MIS18A: variants seen among roughly 807,000 people sequenced by gnomAD.
The protein encoded by MIS18A is protein Mis18-alpha.
Under a neutral mutation model 25.0 loss-of-function variants are expected in MIS18A, and 14 were observed. The ratio of observed to expected loss-of-function variants is 0.56; its 90% CI spans 0.37 to 0.88. MIS18A has a LOEUF of 0.88. MIS18A is among the 40% of genes least tolerant of loss of function. MIS18A has a pLI of 0.00. For missense variants in MIS18A, 292 were observed against 290.8 expected (o/e 1.00, Z -0.03); for synonymous variants, 134 against 118.6 (o/e 1.13, Z -0.84).
chr21:32,175,162 T>C, the MIS18A span, among the ~76,000 whole-genome samples: 2 of 152,174 alleles, frequency 1.3e-5, no homozygotes, highest in Non-Finnish European at 2.9e-5. Context: ...TAGGCAGTTG[T>C]AACACAATGG....
At chr21:32,180,085 A>G in the MIS18A span, among the ~76,000 whole-genome samples, 1 of 152,322 alleles carries the variant, frequency 6.6e-6, no homozygotes, top group East Asian at 1.9e-4. Flanking sequence ...CAAGGTGAAG[A>G]CTTCAGAAAG....
At chr21:32,223,473 A>G in the MIS18A span, among the ~76,000 whole-genome samples, 1 of 152,198 alleles carries the variant, frequency 6.6e-6, no homozygotes, top group Non-Finnish European at 1.5e-5. Flanking sequence ...CAGAAATACA[A>G]ACTACCATCA....
chr21:32,274,441 G>A (rs1323576614), intron 2 of MIS18A, among the ~76,000 whole-genome samples: 6 of 151,822 alleles, frequency 4.0e-5, no homozygotes, highest in Admixed American at 2.0e-4. Flanking sequence ...CTGACCCCCC[G>A]GTGATCTGCC....
chr21:32,158,685 G>A, the MIS18A span, among the ~76,000 whole-genome samples: 3 of 152,070 alleles, frequency 2.0e-5, no homozygotes, highest in Non-Finnish European at 4.4e-5. Flanking sequence ...TTGTTGGTCA[G>A]GCTGTTCTCG....
intron 1 of MIS18A, among the ~76,000 whole-genome samples, chr21:32,275,281 T>C (rs1458292594): frequency 1.3e-5 from 2 of 152,116 alleles, no homozygotes; most frequent in Admixed American, 1.3e-4. Context: ...TGAAAACCAC[T>C]AACATTAATA....
chr21:32,244,526 C>T, the MIS18A span, among the ~76,000 whole-genome samples: 206 of 152,082 alleles, frequency 1.4e-3, 1 homozygote, highest in African/African-American at 4.8e-3. Flanking sequence ...CACTTGAGTC[C>T]GGGAAGTTGA....
the MIS18A span, among the ~76,000 whole-genome samples, chr21:32,180,841 C>T: frequency 6.6e-6 from 1 of 152,194 alleles, no homozygotes; most frequent in Non-Finnish European, 1.5e-5. Flanking sequence ...CTAGTTCAGT[C>T]TCTTCTGAAC....
chr21:32,253,919 GA>G, the MIS18A span, among the ~76,000 whole-genome samples: 2 of 150,858 alleles, frequency 1.3e-5, no homozygotes, highest in East Asian at 1.9e-4. Context: ...ACAGCATTTT[GA>G]AAAAAAAATC....
the MIS18A span, among the ~76,000 whole-genome samples, chr21:32,172,288 G>A: frequency 6.6e-6 from 1 of 151,930 alleles, no homozygotes; most frequent in African/African-American, 2.4e-5. Flanking sequence ...TCCTTTTTCT[G>A]GGCATATACC....
chr21:32,232,353 A>G, the MIS18A span, among the ~76,000 whole-genome samples: 2 of 151,520 alleles, frequency 1.3e-5, no homozygotes, highest in Non-Finnish European at 2.9e-5. Flanking sequence ...TGCCTACCAC[A>G]ATATATGTAT....
chr21:32,240,596 T>C, the MIS18A span, among the ~76,000 whole-genome samples: 2 of 152,224 alleles, frequency 1.3e-5, no homozygotes, highest in Non-Finnish European at 2.9e-5. Context: ...TTCTTCTCCA[T>C]CTACAGGATG....
the MIS18A span, among the ~76,000 whole-genome samples, chr21:32,172,754 G>A: frequency 6.6e-6 from 1 of 151,930 alleles, no homozygotes; most frequent in Non-Finnish European, 1.5e-5. Flanking sequence ...ACTGGCATAA[G>A]GATAGACCAA....
chr21:32,238,891 T>C, the MIS18A span, among the ~76,000 whole-genome samples: 1 of 152,182 alleles, frequency 6.6e-6, no homozygotes, highest in East Asian at 1.9e-4. Context: ...AATTCGACGT[T>C]TGTCAAAGTG....
the MIS18A span, among the ~76,000 whole-genome samples, chr21:32,249,405 G>A: frequency 2.0e-5 from 3 of 152,296 alleles, no homozygotes; most frequent in East Asian, 1.9e-4. Context: ...TGAGCATGCC[G>A]CGCAGGCACT....
the MIS18A span, among the ~76,000 whole-genome samples, chr21:32,216,164 G>T: frequency 3.3e-5 from 5 of 152,164 alleles, no homozygotes; most frequent in African/African-American, 4.8e-5. Flanking sequence ...AGTAACAATG[G>T]CTGAATCTTG....
At chr21:32,233,373 C>T in the MIS18A span, among the ~76,000 whole-genome samples, 2 of 151,566 alleles carry the variant, frequency 1.3e-5, no homozygotes, top group Non-Finnish European at 2.9e-5. Context: ...TTAATTGTAC[C>T]GTGTAATCGT....
the MIS18A span, among the ~76,000 whole-genome samples, chr21:32,165,177 C>T: frequency 0.58 from 87,753 of 151,812 alleles, 27,340 homozygotes; most frequent in African/African-American, 0.83. Flanking sequence ...CTACTAAAAA[C>T]AGAAAATTAG....
At chr21:32,212,257 CA>C in the MIS18A span, among the ~76,000 whole-genome samples, 5 of 152,120 alleles carry the variant, frequency 3.3e-5, no homozygotes, top group Admixed American at 3.3e-4. Flanking sequence ...GTGTCAAATG[CA>C]GCACAATCAG....
At chr21:32,205,559 A>G in the MIS18A span, among the ~76,000 whole-genome samples, 5,030 of 152,198 alleles carry the variant, frequency 0.033, 276 homozygotes, top group African/African-American at 0.11. Context: ...GACAAATCCA[A>G]TGATCTCTGT....
Sources: gnomAD v4.1 joint callset for allele counts (sites outside exome capture counted in the v4.1 genomes callset) on GRCh38, gnomAD v4.1.1 for gene constraint, MANE v1.5 for transcripts, NCBI Gene and HGNC (gene_info 2026-07-23, HGNC 2026-07-21) for gene names.